ZHX2: variants seen among roughly 807,000 people sequenced by gnomAD.
ZHX2 encodes the protein zinc fingers and homeoboxes 2, also known as zinc fingers and homeoboxes protein 2.
A neutral mutation model predicts 21.9 loss-of-function variants in ZHX2; 6 were observed. The observed-to-expected ratio is 0.27, with a 90% CI of 0.15 to 0.54. ZHX2 has a LOEUF of 0.54. Among genes scored for constraint, ZHX2 ranks in the 20% least tolerant of loss-of-function variants. ZHX2 has a pLI of 0.95. For synonymous variants in ZHX2, 434 were observed against 437.1 expected, an observed-to-expected ratio of 0.99 and a Z score of 0.09; for missense variants, 908 against 1,090.7, an observed-to-expected ratio of 0.83 and a Z score of 2.36.
chr8:122,829,921 A>T (rs79721528), intron 1 of ZHX2, among the ~76,000 whole-genome samples: 3,507 of 152,286 alleles, frequency 0.023, 125 homozygotes, highest in African/African-American at 0.08. Flanking sequence ...AGTGGGTTTG[A>T]CACTAGGGAG....
chr8:122,787,275 A>G (rs1299693521), intron 1 of ZHX2, among the ~76,000 whole-genome samples: 2 of 152,164 alleles, frequency 1.3e-5, no homozygotes, highest in Non-Finnish European at 2.9e-5. Context: ...GTCACAGTTC[A>G]CACCCTTTCT....
intron 1 of ZHX2, among the ~76,000 whole-genome samples, chr8:122,821,009 G>A (rs1207366709): frequency 6.6e-6 from 1 of 152,242 alleles, no homozygotes; most frequent in East Asian, 1.9e-4. Flanking sequence ...TCACCCAGCA[G>A]AGGGTGATGA....
intron 1 of ZHX2, among the ~76,000 whole-genome samples, chr8:122,829,002 T>C (rs988172414): frequency 2.6e-5 from 4 of 152,208 alleles, no homozygotes; most frequent in African/African-American, 9.6e-5. Context: ...CTCTGAGCCA[T>C]TTATTAAATA....
chr8:122,848,345 G>A (rs1818803447), intron 1 of ZHX2, among the ~76,000 whole-genome samples: 1 of 152,152 alleles, frequency 6.6e-6, no homozygotes, highest in Admixed American at 6.5e-5. Flanking sequence ...GCCAGAGTCA[G>A]CCACAACGCT....
intron 1 of ZHX2, among the ~76,000 whole-genome samples, chr8:122,845,494 A>G (rs962863673): frequency 5.3e-5 from 8 of 152,262 alleles, no homozygotes; most frequent in African/African-American, 1.9e-4. Flanking sequence ...TCTCTGGAAT[A>G]CTGAGATGTT....
At chr8:122,855,686 T>C (rs1229015881) in intron 1 of ZHX2, among the ~76,000 whole-genome samples, 1 of 152,288 alleles carries the variant, frequency 6.6e-6, no homozygotes, top group East Asian at 1.9e-4. Context: ...GCGAGAATCA[T>C]TTATGAGTAT....
intron 1 of ZHX2, among the ~76,000 whole-genome samples, chr8:122,805,717 A>G (rs1173839310): frequency 1.3e-5 from 2 of 151,960 alleles, no homozygotes; most frequent in Non-Finnish European, 2.9e-5. Flanking sequence ...CATCATCTCT[A>G]CAAACATTGA....
intron 3 of ZHX2, 85 bp downstream of exon 3, chr8:122,954,113 A>G: frequency 7.9e-7 from 1 of 1,265,178 alleles, no homozygotes; most frequent in Non-Finnish European, 1.1e-6. Context: ...ATTGTAGGGT[A>G]CAGAGATGTT....
At chr8:122,794,265 T>A in intron 1 of ZHX2, among the ~76,000 whole-genome samples, 1 of 136,964 alleles carries the variant, frequency 7.3e-6, no homozygotes, top group Non-Finnish European at 1.7e-5. Flanking sequence ...AGTTGACTTT[T>A]TTTTCCATCT....
intron 2 of ZHX2, among the ~76,000 whole-genome samples, chr8:122,925,446 C>T (rs572227939): frequency 6.6e-6 from 1 of 152,218 alleles, no homozygotes; most frequent in East Asian, 1.9e-4. Flanking sequence ...GCTCTTGACC[C>T]ACTAGGGGCG....
At chr8:122,815,927 A>G (rs535297386) in intron 1 of ZHX2, among the ~76,000 whole-genome samples, 1 of 152,136 alleles carries the variant, frequency 6.6e-6, no homozygotes, top group African/African-American at 2.4e-5. Flanking sequence ...TGAAAATACA[A>G]AAATTAGCCA....
intron 3 of ZHX2, among the ~76,000 whole-genome samples, chr8:122,971,647 T>C (rs971947015): frequency 2.1e-5 from 3 of 140,356 alleles, no homozygotes; most frequent in Non-Finnish European, 4.7e-5. Flanking sequence ...TTCTCAGGGC[T>C]TTCTCAGCCA....
At chr8:122,916,145 CT>C (rs1236230009) in intron 2 of ZHX2, among the ~76,000 whole-genome samples, 1 of 152,238 alleles carries the variant, frequency 6.6e-6, no homozygotes, top group Non-Finnish European at 1.5e-5. Context: ...ATCCGCCTGG[CT>C]CTTTTATGAG....
chr8:122,830,625 T>C (rs970809748), intron 1 of ZHX2, among the ~76,000 whole-genome samples: 18 of 152,228 alleles, frequency 1.2e-4, no homozygotes, highest in African/African-American at 4.1e-4. Context: ...TGTCTGGAAA[T>C]ATGTCTGTGC....
intron 2 of ZHX2, among the ~76,000 whole-genome samples, chr8:122,903,505 G>A (rs941519563): frequency 6.6e-6 from 1 of 152,156 alleles, no homozygotes; most frequent in Non-Finnish European, 1.5e-5. Context: ...TTGAGAAATG[G>A]GTCTTGTGTG....
rs571539675 is a variant in ZHX2, at chr8:122,953,737, G to A, written c.2227G>A (p.Glu743Lys). The change falls in exon 3 of 4, where the codon GAG becomes AAG. Residue 743 changes from glutamate (E) to lysine (K), a missense_variant. By Grantham distance (56) the Glu-to-Lys change is moderately conservative (BLOSUM62 1). Around this residue, in one of 4 missense-constraint regions of ZHX2, gnomAD observed 431 missense variants for 428.6 expected, o/e 1.01. Transcript: ENST00000314393. The surrounding 1 kb of genome is among the most constrained non-coding windows in gnomAD (Gnocchi z 4.6). Reference protein sequence around the residue: ...DPKKLCEEDLEKLVTRVKVGS... With the variant: ...DPKKLCEEDLKKLVTRVKVGS... ...CAAAAAGCTCTGCGAAGAGGACTTGGAGAAGTTGGTGACCAGGGTAAAAGT... is the reference window on the plus strand; with the variant it reads ...CAAAAAGCTCTGCGAAGAGGACTTGAAGAAGTTGGTGACCAGGGTAAAAGT... The A allele has an allele frequency of 3.7e-6, 6 of 1,614,232 alleles. No individual in the cohort carries two copies. The highest frequency in any genetic ancestry group is 4.5e-5 in the East Asian group (2 of 44,892).
intron 1 of ZHX2, among the ~76,000 whole-genome samples, chr8:122,791,750 A>G (rs1298799928): frequency 6.6e-6 from 1 of 152,020 alleles, no homozygotes; most frequent in Non-Finnish European, 1.5e-5. Context: ...CTCTAATCCC[A>G]GCTACTTGGG....
chr8:122,932,836 T>C (rs1411057299), intron 2 of ZHX2, among the ~76,000 whole-genome samples: 1 of 152,084 alleles, frequency 6.6e-6, no homozygotes, highest in Non-Finnish European at 1.5e-5. Context: ...AGGACCATTT[T>C]TCAGCCTACC....
chr8:122,901,449 G>T (rs1327261571), intron 2 of ZHX2, among the ~76,000 whole-genome samples: 2 of 152,186 alleles, frequency 1.3e-5, no homozygotes. Context: ...CTAGGAGGAG[G>T]TTCTAAGACC....
Sources: allele counts gnomAD v4.1 joint callset (sites outside exome capture counted in the v4.1 genomes callset), GRCh38; gene constraint gnomAD v4.1.1; regional missense constraint gnomAD v4.1.1; non-coding constraint Gnocchi (gnomAD v3.1); transcripts MANE v1.5; gene names NCBI Gene and HGNC (gene_info 2026-07-23, HGNC 2026-07-21).